SCN4A: variants seen among roughly 807,000 people sequenced by gnomAD.
The protein encoded by SCN4A is sodium voltage-gated channel alpha subunit 4, also known as sodium channel protein type 4 subunit alpha.
Under a neutral mutation model 162.0 loss-of-function variants are expected in SCN4A, and 83 were observed. The ratio of observed to expected loss-of-function variants is 0.51; its 90% CI spans 0.43 to 0.61. The LOEUF (loss-of-function observed/expected upper bound fraction) is 0.61, where lower values mean the gene tolerates loss of function less well. Ranked by LOEUF, SCN4A falls within the 20% of genes least tolerant of loss-of-function variation. The probability of loss-of-function intolerance (pLI) is 0.00; values close to 1 mark genes in which losing one functional copy is unlikely to be tolerated. For synonymous variants in SCN4A, 944 were observed against 985.1 expected, an observed-to-expected ratio of 0.96 and a Z score of 0.78; for missense variants, 2,196 against 2,462.5, an observed-to-expected ratio of 0.89 and a Z score of 2.29.
At chr17:63,953,478 T>C (rs1908977065) in intron 13 of SCN4A, among the ~76,000 whole-genome samples, 1 of 151,364 alleles carries the variant, frequency 6.6e-6, no homozygotes, top group Non-Finnish European at 1.5e-5. Flanking sequence ...TAGAAAGCTA[T>C]ACAAGGTGCT....
At chr17:63,952,211 C>T (rs570526590) in intron 13 of SCN4A, among the ~76,000 whole-genome samples, 13 of 143,030 alleles carry the variant, frequency 9.1e-5, no homozygotes, top group East Asian at 6.1e-4. Flanking sequence ...TTTTTTTTTT[C>T]GAGATGGAGG....
Position 63,972,915 on chromosome 17 carries a change from C to T in SCN4A, c.-74G>A, listed in dbSNP as rs546675124. ...AGCTGCAGTGCGCAGCCCCGGGGTG[C>T]TGGGCGGCCGCCCCTCCCTGGGCGG... On this transcript the variant is annotated 5_prime_UTR_variant, in exon 1 of 24. Coordinates refer to ENST00000435607, the MANE Select transcript of SCN4A (RefSeq NM_000334.4). The surrounding 1 kb of genome is among the most constrained non-coding windows in gnomAD (Gnocchi z 4.3). 3.5e-5 allele frequency: 51 copies of T among 1,463,808 alleles called. No individual in the cohort carries two copies. The East Asian group carries it at 1.0e-3, about 30-fold the overall frequency. The allele number at this position is 1,463,808 out of a possible 1,614,324, so 90.7% of individuals were successfully genotyped here. A position where few individuals can be genotyped will look rare whatever the true frequency, so the allele number is the denominator to read the frequency against.
intron 18 of SCN4A, 31 bp downstream of exon 18, chr17:63,947,013 CA>C: frequency 1.4e-5 from 20 of 1,459,422 alleles, no homozygotes; most frequent in Non-Finnish European, 1.8e-5. Context: ...CCCCCATCCC[CA>C]GCCCACCCCA....
chr17:63,961,324 G>A lies in SCN4A; in HGVS notation c.1714C>T (p.His572Tyr). ...APWLKFKNII[H>Y]LIVMDPFVDL... is the part of the protein sequence containing the mutation. The stretch of plus-strand genomic sequence containing the variant: ...ACGAACGGGTCCATGACGATCAGGT[G>A]GATGATGTTCTTGAACTTCAGCCAC... The change falls in exon 11 of 24, where the codon CAC becomes TAC. Residue 572 changes from histidine (H) to tyrosine (Y), a missense_variant. Coordinates refer to ENST00000435607, the MANE Select transcript of SCN4A (RefSeq NM_000334.4). 1.2e-6 allele frequency: 2 copies of A among 1,613,812 alleles called. No homozygotes were observed. The highest frequency in any genetic ancestry group is 1.7e-6 in the Non-Finnish European group (2 of 1,179,800).
In SCN4A at chr17:63,957,350, C is replaced by A. The variant is rs113462659; in HGVS notation, c.2188G>T (p.Val730Leu). ...TTGCAGTCCAAGGCAATCTTGCACA[C>A]GCACTCCTTGTAGCTCTTGCCAAAC... The part of the protein sequence containing the change: ...QLFGKSYKEC[V>L]CKIALDCNLP... Residue 730 changes from valine to leucine, a missense_variant, in exon 13 of 24, where the codon GTG becomes TTG. Transcript: ENST00000435607. The A allele has an allele frequency of 6.2e-7, 1 of 1,614,130 alleles. No individual in the cohort carries two copies. Among genetic ancestry groups the A allele is most frequent in the African/African-American group, 1.3e-5 (1 of 75,058 alleles).
chr17:63,955,400 C>T (rs1056171056), intron 13 of SCN4A, among the ~76,000 whole-genome samples: 1 of 152,234 alleles, frequency 6.6e-6, no homozygotes, highest in Non-Finnish European at 1.5e-5. Flanking sequence ...TACTCCCAGC[C>T]ACGTGGCCAG....
Position 63,947,095 on chromosome 17 carries a change from G to T in SCN4A, c.3391C>A (p.Leu1131Met), listed in dbSNP as rs771230130. 1.3e-6 allele frequency: 2 copies of T among 1,580,952 alleles called. No homozygotes were observed. Among genetic ancestry groups the T allele is most frequent in the South Asian group, 2.2e-5 (2 of 90,604 alleles). ...ELGPIKSLRTLRALRPLRALS... is the reference protein window; with the variant it reads ...ELGPIKSLRTMRALRPLRALS... The stretch of plus-strand genomic sequence containing the variant: ...GCCCTCAGGGGACGCAGGGCCCGCA[G>T]TGTCCGCAGGGATTTGATGGGTCCC... Residue 1131 changes from leucine to methionine, a missense_variant, in exon 18 of 24, where the codon CTG becomes ATG. Coordinates refer to ENST00000435607, the MANE Select transcript of SCN4A (RefSeq NM_000334.4).
At chr17:63,948,100 A>G (rs776730712) in intron 16 of SCN4A, 37 bp from the exon 17 acceptor site, 5 of 1,560,428 alleles carry the variant, frequency 3.2e-6, no homozygotes, top group Non-Finnish European at 3.5e-6. Flanking sequence ...GCTGGGGTCC[A>G]GCAGGCTGGG....
chr17:63,950,153 C>T lies in SCN4A; in HGVS notation c.2854-625G>A, dbSNP rs1165121617. On this transcript the variant is annotated intron_variant, in intron 14 of 23. Coordinates refer to ENST00000435607, the MANE Select transcript of SCN4A (RefSeq NM_000334.4). The surrounding 1 kb of genome is among the most constrained non-coding windows in gnomAD (Gnocchi z 4.6). ...TGCTGGGCCAGGCCAGCTTCCCGGC[C>T]CCAGACTCCACCCGGCAGGGGACCC... Among the ~76,000 whole-genome samples, 2 of 152,116 alleles carry T rather than the reference C, an allele frequency of 1.3e-5. No homozygotes were observed. Among genetic ancestry groups the T allele is most frequent in the African/African-American group, 2.4e-5 (1 of 41,420 alleles).
rs1908922931 is a variant in SCN4A at position 63,951,792 on chromosome 17, T to A, written c.2485A>T (p.Ile829Phe). The A allele has an allele frequency of 6.3e-7, 1 of 1,584,232 alleles. No individual in the cohort carries two copies. Among genetic ancestry groups the A allele is most frequent in the Non-Finnish European group, 8.6e-7 (1 of 1,165,218 alleles). Residue 829 changes from isoleucine (I) to phenylalanine (F), a missense_variant, in exon 14 of 24, where the codon ATC (isoleucine) becomes TTC (phenylalanine). Coordinates refer to ENST00000435607, the MANE Select transcript of SCN4A (RefSeq NM_000334.4). This position sits in a 1 kb window ranked among gnomAD's most constrained non-coding sequence, Gnocchi z 4.5. ...MNNLQIAIGR[I>F]KLGIGFAKAF... ...TTGGCAAAGCCGATGCCCAACTTGA[T>A]GCGCCCGATGGCAATCTGCAGGTTG... is the stretch of plus-strand genomic sequence containing the variant.
intron 18 of SCN4A, 45 bp downstream of exon 18, chr17:63,947,000 G>A (rs746501663): frequency 2.8e-5 from 42 of 1,508,380 alleles, no homozygotes; most frequent in East Asian, 4.8e-5. Context: ...GAAGGTGGCC[G>A]GTCCCCCATC....
At chr17:63,965,633 C>T (rs900320926) in intron 8 of SCN4A, among the ~76,000 whole-genome samples, 1 of 152,130 alleles carries the variant, frequency 6.6e-6, no homozygotes, top group Non-Finnish European at 1.5e-5. Context: ...GGAATATAGG[C>T]CCGTGCCACC....
In SCN4A at chr17:63,964,632, T is replaced by C. The variant is rs149907018; in HGVS notation, c.1288A>G (p.Ile430Val). 277 of 1,612,738 alleles carry C rather than the reference T, an allele frequency of 1.7e-4. 1 individual carries two copies. In the East Asian group the frequency reaches 6.0e-3, roughly 35 times the overall value. Residue 430 changes from isoleucine (I) to valine (V), a missense_variant, in exon 9 of 24, where the codon ATC becomes GTC. Physicochemically the swap from Ile to Val is conservative, Grantham distance 29. Transcript: ENST00000435607. ...GKTYMIFFVVIIFLGSFYLIN... is the reference protein window; with the variant it reads ...GKTYMIFFVVVIFLGSFYLIN... ...AGGTAGAAAGAGCCCAGGAAGATGATGACCACGAAGAAGATCATGTAGGTC... is the reference window on the plus strand; with the variant it reads ...AGGTAGAAAGAGCCCAGGAAGATGACGACCACGAAGAAGATCATGTAGGTC...
rs770165595 is a variant in SCN4A at position 63,951,379 on chromosome 17, G to A, written c.2853+45C>T. ...GACTTAGGGCTTGCTCCAGGTCACA[G>A]GAGAATTTGAAGCCGGGTCTGTCTG... On this transcript the variant is annotated intron_variant, in intron 14 of 23. Transcript: ENST00000435607. This position sits in a 1 kb window ranked among gnomAD's most constrained non-coding sequence, Gnocchi z 4.5. The A allele has an allele frequency of 7.3e-7, 1 of 1,376,284 alleles. No homozygotes were observed. Among genetic ancestry groups the A allele is most frequent in the South Asian group, 1.4e-5 (1 of 72,184 alleles). 85.3% of individuals were successfully genotyped at this position (1,376,284 alleles called of 1,614,324 possible).
At position 63,957,402 on chromosome 17, in the gene SCN4A, GA is replaced by G; in HGVS notation, c.2135del (p.Phe712SerfsTer83). On this transcript the variant is annotated frameshift_variant, in exon 13 of 24. Coordinates refer to ENST00000435607, the MANE Select transcript of SCN4A (RefSeq NM_000334.4). LOFTEE classifies it high-confidence loss of function. ...GCTGCATGCCCACCACGGCGAAGAT[GA>G]ACACGATGATAGCCAGCACCAGCGT... ...NLTLVLAIIV[F>X]IFAVVGMQLF... 3 of 1,614,102 alleles carry G rather than the reference GA, an allele frequency of 1.9e-6. No individual in the cohort carries two copies. Among genetic ancestry groups the G allele is most frequent in the Non-Finnish European group, 2.5e-6 (3 of 1,179,938 alleles).
At position 63,951,115 on chromosome 17, in the gene SCN4A, G is replaced by A. The variant is rs554275534; in HGVS notation, c.2853+309C>T. Among the ~76,000 whole-genome samples the A allele has an allele frequency of 6.6e-6, 1 of 152,336 alleles. No individual in the cohort carries two copies. Among genetic ancestry groups the A allele is most frequent in the Admixed American group, 6.5e-5 (1 of 15,302 alleles). ...CTGGAGCTGCGGTGCCCAGGTAAAAGCAGCATGTCCAAGGGCACCACCTGC... is the reference window on the plus strand; with the variant it reads ...CTGGAGCTGCGGTGCCCAGGTAAAAACAGCATGTCCAAGGGCACCACCTGC... On this transcript the variant is annotated intron_variant, in intron 14 of 23. Transcript: ENST00000435607. The surrounding 1 kb of genome is among the most constrained non-coding windows in gnomAD (Gnocchi z 4.5).
At position 63,966,530 on chromosome 17, in the gene SCN4A, G is replaced by C. The variant is rs768229354; in HGVS notation, c.1051C>G (p.Leu351Val). ...AGCAGGGCATCGTTGGAGCCCTCCAGGAAGTAGAAGTTCCCTTTGGGAGTC... is the reference window on the plus strand; with the variant it reads ...AGCAGGGCATCGTTGGAGCCCTCCACGAAGTAGAAGTTCCCTTTGGGAGTC... ...YISDEGNFYFLEGSNDALLCG... is the reference protein window; with the variant it reads ...YISDEGNFYFVEGSNDALLCG... Residue 351 changes from leucine to valine, a missense_variant, in exon 7 of 24, where the codon CTG becomes GTG. Transcript: ENST00000435607. 1 of 1,613,774 alleles carries C rather than the reference G, an allele frequency of 6.2e-7. No homozygotes were observed. Among genetic ancestry groups the C allele is most frequent in the Non-Finnish European group, 8.5e-7 (1 of 1,179,790 alleles).
chr17:63,952,694 C>T (rs1908952078), intron 13 of SCN4A, among the ~76,000 whole-genome samples: 1 of 152,000 alleles, frequency 6.6e-6, no homozygotes, highest in Non-Finnish European at 1.5e-5. Flanking sequence ...GTTTCCGACT[C>T]CATCTATTCT....
chr17:63,971,824 A>G lies in SCN4A; in HGVS notation c.509T>C (p.Phe170Ser), dbSNP rs1470268355. 1 of 1,613,740 alleles carries G rather than the reference A, an allele frequency of 6.2e-7. No individual in the cohort carries two copies. The highest frequency in any genetic ancestry group is 1.1e-5 in the South Asian group (1 of 91,052). Residue 170 changes from phenylalanine to serine, a missense_variant, in exon 4 of 24, where the codon TTT becomes TCT. Phe to Ser is a radical substitution (Grantham distance 155). Coordinates refer to ENST00000435607, the MANE Select transcript of SCN4A (RefSeq NM_000334.4). ...GGCCAGTATCTTGATGAGGGACTCAAAGGTGTAGATCCCTGTGAAGGTGTA... is the reference window on the plus strand; with the variant it reads ...GGCCAGTATCTTGATGAGGGACTCAGAGGTGTAGATCCCTGTGAAGGTGTA... Reference protein sequence around the residue: ...VEYTFTGIYTFESLIKILARG... With the variant: ...VEYTFTGIYTSESLIKILARG...
Sources: allele counts gnomAD v4.1 joint callset (sites outside exome capture counted in the v4.1 genomes callset), GRCh38; gene constraint gnomAD v4.1.1; non-coding constraint Gnocchi (gnomAD v3.1); transcripts MANE v1.5; gene names NCBI Gene and HGNC (gene_info 2026-07-23, HGNC 2026-07-21).